CSMD1: variants seen among roughly 807,000 people sequenced by gnomAD.
CSMD1 encodes CUB and Sushi multiple domains 1.
In CSMD1, 213 loss-of-function variants were observed where a neutral mutation model predicts 417.5. The observed-to-expected ratio is 0.51, with a 90% CI of 0.46 to 0.57. CSMD1 has a LOEUF of 0.57. Among genes scored for constraint, CSMD1 ranks in the 20% least tolerant of loss-of-function variants. CSMD1 has a pLI of 0.00. For synonymous variants in CSMD1, 2,862 were observed against 1,736.8 expected, an observed-to-expected ratio of 1.65 and a Z score of -16.11; for missense variants, 6,923 against 4,529.7, an observed-to-expected ratio of 1.53 and a Z score of -15.17.
At chr8:4,876,554 A>C (rs905559665) in intron 1 of CSMD1, among the ~76,000 whole-genome samples, 2 of 152,110 alleles carry the variant, frequency 1.3e-5, no homozygotes, top group Non-Finnish European at 2.9e-5. Context: ...ATGCTTTCTC[A>C]ATTTTCACCG....
chr8:4,076,580 A>G (rs1243667367), intron 3 of CSMD1, among the ~76,000 whole-genome samples: 2 of 152,218 alleles, frequency 1.3e-5, no homozygotes, highest in African/African-American at 2.4e-5. Flanking sequence ...ATAATATATT[A>G]AGGATTCATG....
intron 24 of CSMD1, 141 bp downstream of exon 24, chr8:3,308,171 C>T: frequency 1.5e-6 from 1 of 679,762 alleles, no homozygotes; most frequent in Non-Finnish European, 2.4e-6. Context: ...CAGACACGTG[C>T]AAATCTCAGA....
intron 12 of CSMD1, among the ~76,000 whole-genome samples, chr8:3,426,897 T>G (rs192051200): frequency 1.3e-5 from 2 of 152,168 alleles, no homozygotes; most frequent in African/African-American, 4.8e-5. Flanking sequence ...AGAGGTTTAA[T>G]TGACTCACAG....
chr8:4,007,781 G>T (rs1816241524), intron 4 of CSMD1, among the ~76,000 whole-genome samples: 1 of 151,894 alleles, frequency 6.6e-6, no homozygotes, highest in African/African-American at 2.4e-5. Flanking sequence ...AACAAGTGTT[G>T]GGACTATGAC....
chr8:4,785,183 C>A (rs879939480), intron 1 of CSMD1, among the ~76,000 whole-genome samples: 10 of 152,152 alleles, frequency 6.6e-5, no homozygotes, highest in Non-Finnish European at 8.8e-5. Flanking sequence ...TGACTCCTAG[C>A]CTGATCTATT....
intron 1 of CSMD1, among the ~76,000 whole-genome samples, chr8:4,814,447 A>T (rs1799088804): frequency 6.6e-6 from 1 of 152,194 alleles, no homozygotes. Flanking sequence ...CGGTTTCACC[A>T]TGTTGGCCAA....
chr8:4,157,327 G>C (rs190250832), intron 3 of CSMD1, among the ~76,000 whole-genome samples: 9 of 152,318 alleles, frequency 5.9e-5, no homozygotes, highest in African/African-American at 2.2e-4. Context: ...CTCAGGGTGG[G>C]CAGAGCCCAA....
At chr8:3,012,287 G>C (rs1311107272) in intron 52 of CSMD1, among the ~76,000 whole-genome samples, 1 of 152,154 alleles carries the variant, frequency 6.6e-6, no homozygotes, top group African/African-American at 2.4e-5. Flanking sequence ...TGAATATTAG[G>C]TGTAGAAAAT....
intron 10 of CSMD1, among the ~76,000 whole-genome samples, chr8:3,550,015 C>T (rs1166793377): frequency 6.6e-6 from 1 of 152,134 alleles, no homozygotes; most frequent in Non-Finnish European, 1.5e-5. Flanking sequence ...TAATGACCAC[C>T]TTCTTACATT....
intron 10 of CSMD1, among the ~76,000 whole-genome samples, chr8:3,527,024 G>A (rs1239193997): frequency 6.6e-6 from 1 of 152,090 alleles, no homozygotes; most frequent in Non-Finnish European, 1.5e-5. Context: ...TACTCAGAAT[G>A]TGGCTGGGCT....
At chr8:3,812,820 TAGG>T (rs1801158050) in intron 5 of CSMD1, among the ~76,000 whole-genome samples, 1 of 152,194 alleles carries the variant, frequency 6.6e-6, no homozygotes, top group Non-Finnish European at 1.5e-5. Context: ...TTGAGGTTGC[TAGG>T]AGTTTTGAAA....
At chr8:4,303,422 G>GTTTTTTT (rs71511194) in intron 3 of CSMD1, among the ~76,000 whole-genome samples, 2 of 85,214 alleles carry the variant, frequency 2.3e-5, no homozygotes, top group African/African-American at 9.5e-5. Flanking sequence ...GCAGGAAGCT[G>GTTTTTTT]TTTTTTTTTT....
At chr8:4,140,505 C>CGAAG (rs1554466931) in intron 3 of CSMD1, among the ~76,000 whole-genome samples, 1 of 150,264 alleles carries the variant, frequency 6.7e-6, no homozygotes, top group Non-Finnish European at 1.5e-5. Context: ...AACAAACAAA[C>CGAAG]AAACAAACAA....
At chr8:4,642,187 G>C (rs553753013) in intron 1 of CSMD1, among the ~76,000 whole-genome samples, 1 of 152,130 alleles carries the variant, frequency 6.6e-6, no homozygotes. Context: ...TCGGGGCCCC[G>C]GTGAGCCATG....
At chr8:3,643,745 C>T (rs1797433169) in intron 7 of CSMD1, among the ~76,000 whole-genome samples, 1 of 148,688 alleles carries the variant, frequency 6.7e-6, no homozygotes, top group South Asian at 2.1e-4. Flanking sequence ...TCTGCCTTTT[C>T]CAGCTACTTA....
rs1348737094 is a variant in CSMD1 at position 3,409,186 on chromosome 8, C to T, written c.1744+237G>A. ...TGTGATGACCCTTTCTGGTAGGAAA[C>T]GTTCAAGTACATTTTGTCGAGTAGA... On this transcript the variant is annotated intron_variant, in intron 13 of 69. Transcript: ENST00000635120. Among the ~76,000 whole-genome samples the T allele has an allele frequency of 2.0e-5, 3 of 152,188 alleles. 1 individual carries two copies. The highest frequency in any genetic ancestry group is 2.9e-5 in the Non-Finnish European group (2 of 68,048).
chr8:3,940,497 C>CTGTGTGTGTGTGTGTG (rs34005059), intron 5 of CSMD1, among the ~76,000 whole-genome samples: 1 of 144,952 alleles, frequency 6.9e-6, no homozygotes, highest in Non-Finnish European at 1.5e-5. Flanking sequence ...ATTATTTCCT[C>CTGTGTGTGTGTGTGTG]TGTGTGTGTG....
chr8:4,122,491 A>T (rs12549072), intron 3 of CSMD1, among the ~76,000 whole-genome samples: 20 of 152,046 alleles, frequency 1.3e-4, no homozygotes, highest in African/African-American at 4.1e-4. Flanking sequence ...TAGATTAAGT[A>T]AACTGTCTAA....
chr8:3,437,183 C>G (rs1353717436), intron 12 of CSMD1, among the ~76,000 whole-genome samples: 1 of 152,072 alleles, frequency 6.6e-6, no homozygotes, highest in Non-Finnish European at 1.5e-5. Context: ...TAATACTGTT[C>G]AAGGGGAAAA....
Sources: gnomAD v4.1 joint callset for allele counts (sites outside exome capture counted in the v4.1 genomes callset) on GRCh38, gnomAD v4.1.1 for gene constraint, MANE v1.5 for transcripts, NCBI Gene and HGNC (gene_info 2026-07-23, HGNC 2026-07-21) for gene names.